The following CD34 variants were observed in gnomAD, a reference collection of about 807,000 sequenced individuals.
The protein encoded by CD34 is hematopoietic progenitor cell antigen CD34.
CD34 carries 34 observed loss-of-function variants against 40.1 expected under a neutral mutation model. The ratio of observed to expected loss-of-function variants is 0.85; its 90% confidence interval spans 0.65 to 1.13. The LOEUF is 1.13. Among genes scored for constraint, CD34 ranks in the 50% most tolerant of loss-of-function variants. The pLI is 0.00. For synonymous variants in CD34, 209 were observed against 190.0 expected, an observed-to-expected ratio of 1.10 and a Z score of -0.82; for missense variants, 426 against 466.9, an observed-to-expected ratio of 0.91 and a Z score of 0.81.
At chr1:207,890,809 T>C (rs530828690) in intron 4 of CD34, among the ~76,000 whole-genome samples, 22 of 152,064 alleles carry the variant, frequency 1.4e-4, no homozygotes, top group Middle Eastern at 3.4e-3. Flanking sequence ...GAGAAATGAG[T>C]TCTCAGGCCA....
At chr1:207,890,782 C>T (rs556846888) in intron 4 of CD34, among the ~76,000 whole-genome samples, 34 of 152,304 alleles carry the variant, frequency 2.2e-4, no homozygotes, top group African/African-American at 7.9e-4. Flanking sequence ...AAAAAACCCC[C>T]AGGAAACAAG....
At chr1:207,893,168 A>C (rs1330928973) in intron 4 of CD34, among the ~76,000 whole-genome samples, 1 of 152,184 alleles carries the variant, frequency 6.6e-6, no homozygotes, top group African/African-American at 2.4e-5. Context: ...GCTCCTAACT[A>C]CATCAGCTCA....
chr1:207,895,187 AT>A (rs1393538481), intron 4 of CD34, among the ~76,000 whole-genome samples: 1 of 152,220 alleles, frequency 6.6e-6, no homozygotes, highest in African/African-American at 2.4e-5. Context: ...TTTGGAACAG[AT>A]TGTTTATCAG....
chr1:207,908,405 G>A (rs568245444), intron 1 of CD34, among the ~76,000 whole-genome samples: 2 of 152,254 alleles, frequency 1.3e-5, no homozygotes, highest in South Asian at 4.1e-4. Context: ...CCCCAAGCCT[G>A]CTCCTCCTCT....
In CD34 at chr1:207,908,245, C is replaced by T. The variant is rs984742625; in HGVS notation, c.79+2757G>A. ...GAATGAGGAGGCCCAGGAGGTGGAG[C>T]CAAAGGGATAAGAAAAAGAGGCCCC... On this transcript the variant is annotated intron_variant, in intron 1 of 7. Coordinates refer to ENST00000310833, the MANE Select transcript of CD34 (RefSeq NM_001025109.2). Among the ~76,000 whole-genome samples, 17 of 152,244 alleles carry T rather than the reference C, an allele frequency of 1.1e-4. 1 individual carries two copies. The highest frequency in any genetic ancestry group is 1.1e-3 in the Admixed American group (17 of 15,302).
intron 3 of CD34, among the ~76,000 whole-genome samples, chr1:207,898,025 T>C (rs979213715): frequency 1.3e-4 from 18 of 142,910 alleles, no homozygotes; most frequent in African/African-American, 4.5e-4. Context: ...ATTCCCATTT[T>C]GGCTCTTTTA....
At position 207,891,999 on chromosome 1, in the gene CD34, A is replaced by G. The variant is rs148579826; in HGVS notation, c.598-2378T>C. ...AAGCCAGTGGGGAAGAGCATTTGGA[A>G]CTGAGGCCCCACCTCCAGGAAGCCC... On this transcript the variant is annotated intron_variant, in intron 4 of 7. Transcript: ENST00000310833. 1.1e-3 allele frequency among the ~76,000 whole-genome samples: 162 copies of G among 152,278 alleles called. 1 individual carries two copies. The highest frequency in any genetic ancestry group is 6.8e-3 in the Middle Eastern group (2 of 294).
At position 207,885,060 on chromosome 1, in the gene CD34, TTTAACTATACCATAAGGGAGTTTAA is replaced by T. The variant is rs1384755715; in HGVS notation, c.*2653_*2677del. The T allele has an allele frequency of 6.6e-6, 1 of 152,238 alleles. No individual in the cohort carries two copies. Among genetic ancestry groups the T allele is most frequent in the East Asian group, 1.9e-4 (1 of 5,192 alleles). The allele number at this position is 152,238 out of a possible 1,614,324, so 9.4% of individuals were successfully genotyped here. A position where few individuals can be genotyped will look rare whatever the true frequency, so the allele number is the denominator to read the frequency against. The stretch of plus-strand genomic sequence containing the variant: ...TCCCTTCTCTGAGCCTTAGTTTGTC[TTTAACTATACCATAAGGGAGTTTAA>T]TTAAATGTATCTTTAAAGTTCTCTT... On this transcript the variant is annotated 3_prime_UTR_variant, in exon 8 of 8. Transcript: ENST00000310833.
Position 207,896,325 on chromosome 1 carries a change from A to T in CD34, c.597+1168T>A, listed in dbSNP as rs185481219. On this transcript the variant is annotated intron_variant, in intron 4 of 7. Coordinates refer to ENST00000310833, the MANE Select transcript of CD34 (RefSeq NM_001025109.2). ...AAACAAAGCAAGGTCTGCCAGAATC[A>T]TTTAAAATAACACAATTCCCTGTAC... Among the ~76,000 whole-genome samples the T allele has an allele frequency of 7.1e-4, 108 of 152,372 alleles. 3 individuals are homozygous for T. The East Asian group carries it at 0.017, about 24-fold the overall frequency.
At chr1:207,898,898 G>A in intron 3 of CD34, 75 bp downstream of exon 3, 2 of 1,484,256 alleles carry the variant, frequency 1.3e-6, no homozygotes, top group South Asian at 2.4e-5. Flanking sequence ...GGAGAGGGGT[G>A]GAGGGAAAGA....
chr1:207,900,093 C>T (rs189902172), intron 1 of CD34, 90 bp from the exon 2 acceptor site: 211 of 981,936 alleles, frequency 2.1e-4, no homozygotes, highest in South Asian at 5.4e-4. Context: ...AGGTAGAATT[C>T]GTCTAGAACA....
Position 207,881,182 on chromosome 1 carries a change from C to A in CD34, c.*6556G>T, listed in dbSNP as rs1661798231. 1 of 152,166 alleles carries A rather than the reference C, an allele frequency of 6.6e-6. No homozygotes were observed. The highest frequency in any genetic ancestry group is 1.5e-5 in the Non-Finnish European group (1 of 68,030). 9.4% of individuals were successfully genotyped at this position (152,166 alleles called of 1,614,324 possible). A position where few individuals can be genotyped will look rare whatever the true frequency, so the allele number is the denominator to read the frequency against. The stretch of plus-strand genomic sequence containing the variant: ...AGAGCCGCGGTTCTCAAAGCATGAT[C>A]CAAGGTCCTCTGGGGGTTCCCTAAA... On this transcript the variant is annotated 3_prime_UTR_variant, in exon 8 of 8. Transcript: ENST00000310833.
Position 207,886,973 on chromosome 1 carries a change from G to C in CD34, c.*765C>G, listed in dbSNP as rs1279006660. 1 of 152,462 alleles carries C rather than the reference G, an allele frequency of 6.6e-6. No homozygotes were observed. Among genetic ancestry groups the C allele is most frequent in the East Asian group, 1.9e-4 (1 of 5,206 alleles). The allele number at this position is 152,462 out of a possible 1,614,324, so 9.4% of individuals were successfully genotyped here. A position where few individuals can be genotyped will look rare whatever the true frequency, so the allele number is the denominator to read the frequency against. On this transcript the variant is annotated 3_prime_UTR_variant, in exon 8 of 8. Transcript: ENST00000310833. ...GGTGAGAGGCTCAGCTCCAAGACCT[G>C]GTCCCATGGTCCTGCCTACTTTGAT...
intron 1 of CD34, among the ~76,000 whole-genome samples, chr1:207,910,306 C>T (rs185504410): frequency 1.3e-3 from 192 of 152,202 alleles, no homozygotes; most frequent in Middle Eastern, 3.4e-3. Flanking sequence ...GTAAGGCGAG[C>T]GAGGCTGGGC....
chr1:207,891,480 G>A (rs1045400461), intron 4 of CD34, among the ~76,000 whole-genome samples: 6 of 151,872 alleles, frequency 4.0e-5, no homozygotes, highest in Non-Finnish European at 4.4e-5. Flanking sequence ...CCAGGAATTC[G>A]AGACCAGCCT....
rs534524570 is a variant in CD34, at chr1:207,904,798, T to C, written c.80-4795A>G. 4.6e-5 allele frequency among the ~76,000 whole-genome samples: 7 copies of C among 152,382 alleles called. No individual in the cohort carries two copies. The South Asian group carries it at 1.4e-3, about 32-fold the overall frequency. ...AACTTCTAAAGTGCTGGAGCCATTC[T>C]TATTCTTATGTGTTTTACTCCTGGT... On this transcript the variant is annotated intron_variant, in intron 1 of 7. Transcript: ENST00000310833.
At chr1:207,899,339 T>C in intron 2 of CD34, 113 bp from the exon 3 acceptor site, 1 of 1,135,114 alleles carries the variant, frequency 8.8e-7, no homozygotes, top group Non-Finnish European at 1.3e-6. Context: ...TTTGGGGAGT[T>C]AACAGTTACT....
In CD34 at chr1:207,884,722, T is replaced by C. The variant is rs1030345876; in HGVS notation, c.*3016A>G. 1 of 152,178 alleles carries C rather than the reference T, an allele frequency of 6.6e-6. No homozygotes were observed. Among genetic ancestry groups the C allele is most frequent in the Non-Finnish European group, 1.5e-5 (1 of 68,044 alleles). 9.4% of individuals were successfully genotyped at this position (152,178 alleles called of 1,614,324 possible). A position where few individuals can be genotyped will look rare whatever the true frequency, so the allele number is the denominator to read the frequency against. On this transcript the variant is annotated 3_prime_UTR_variant, in exon 8 of 8. Transcript: ENST00000310833. ...ATAATTCCAGATATGCTCTCCATAG[T>C]CAACAGTGTAATACCCTACAGCTAA...
Position 207,911,056 on chromosome 1 carries a change from C to T in CD34, c.25G>A (p.Ala9Thr). Residue 9 changes from alanine (A) to threonine (T), a missense_variant, in exon 1 of 8, where the codon GCA becomes ACA. Ala to Thr is a moderately conservative substitution (Grantham distance 58). Transcript: ENST00000310833. MLVRRGAR[A>T]GPRMPRGWTA... ...CAGCCCCGCGGCATCCTGGGCCCTG[C>T]GCGCGCGCCCCTGCGGACCAGCATC... 1.9e-6 allele frequency: 3 copies of T among 1,589,674 alleles called. No homozygotes were observed. The highest frequency in any genetic ancestry group is 2.6e-6 in the Non-Finnish European group (3 of 1,171,594).
Sources: gnomAD v4.1 joint callset for allele counts (sites outside exome capture counted in the v4.1 genomes callset) on GRCh38, gnomAD v4.1.1 for gene constraint, MANE v1.5 for transcripts, NCBI Gene and HGNC (gene_info 2026-07-23, HGNC 2026-07-21) for gene names.